Variants in GRID2 observed in about 807,000 individuals in gnomAD.
GRID2 encodes the protein glutamate ionotropic receptor delta type subunit 2.
Under a neutral mutation model 114.8 loss-of-function variants are expected in GRID2, and 33 were observed. That is an observed-to-expected ratio of 0.29 (90% CI 0.22 to 0.38). The LOEUF is 0.38. Ranked by LOEUF, GRID2 falls within the 10% of genes least tolerant of loss-of-function variation. The pLI, the probability that GRID2 is intolerant of heterozygous loss-of-function variation, is 1.00. For missense variants in GRID2, 1,184 were observed against 1,257.7 expected (o/e 0.94, Z 0.89); for synonymous variants, 505 against 449.9 (o/e 1.12, Z -1.55).
intron 1 of GRID2, among the ~76,000 whole-genome samples, chr4:92,475,184 T>C (rs1346396924): frequency 6.7e-6 from 1 of 149,692 alleles, no homozygotes; most frequent in African/African-American, 2.5e-5. Context: ...TTAATCCCAT[T>C]TGCCTTTTAA....
chr4:93,230,141 T>A (rs1466675946), intron 7 of GRID2, among the ~76,000 whole-genome samples: 1 of 115,714 alleles, frequency 8.6e-6, no homozygotes, highest in Non-Finnish European at 1.9e-5. Flanking sequence ...AGGATGTGTG[T>A]GTATGCGTGT....
chr4:92,612,085 T>C (rs1177585251), intron 2 of GRID2, among the ~76,000 whole-genome samples: 1 of 151,504 alleles, frequency 6.6e-6, no homozygotes. Flanking sequence ...TTTTCATGTC[T>C]TCTAGAAAAT....
intron 4 of GRID2, among the ~76,000 whole-genome samples, chr4:93,187,278 T>C (rs1740516044): frequency 6.6e-6 from 1 of 152,166 alleles, no homozygotes; most frequent in African/African-American, 2.4e-5. Context: ...AAAGTCTTTT[T>C]TTTTCTTTTC....
chr4:92,993,802 G>A (rs1457193753), intron 2 of GRID2, among the ~76,000 whole-genome samples: 1 of 152,070 alleles, frequency 6.6e-6, no homozygotes, highest in African/African-American at 2.4e-5. Context: ...TTTGTTGGAG[G>A]GTCCTAGATA....
intron 8 of GRID2, among the ~76,000 whole-genome samples, chr4:93,279,123 A>C (rs1019201098): frequency 6.6e-5 from 10 of 151,870 alleles, no homozygotes; most frequent in African/African-American, 2.4e-4. Flanking sequence ...CACTTTAGTT[A>C]CATAAATAAC....
At chr4:92,389,911 G>T (rs968791847) in intron 1 of GRID2, among the ~76,000 whole-genome samples, 1 of 152,002 alleles carries the variant, frequency 6.6e-6, no homozygotes, top group Non-Finnish European at 1.5e-5. Context: ...AAAATTGCAG[G>T]TGCTATGAAA....
chr4:93,458,738 G>A (rs764362039), intron 11 of GRID2, among the ~76,000 whole-genome samples: 9 of 152,044 alleles, frequency 5.9e-5, no homozygotes, highest in Admixed American at 1.3e-4. Context: ...TAGACTCAGC[G>A]GCAGATAATT....
intron 2 of GRID2, among the ~76,000 whole-genome samples, chr4:92,995,521 A>G (rs1404581506): frequency 6.6e-6 from 1 of 152,208 alleles, no homozygotes; most frequent in Non-Finnish European, 1.5e-5. Flanking sequence ...ATATCTTGAA[A>G]AGCTAAAGAG....
At chr4:92,354,068 G>A (rs1251961461) in intron 1 of GRID2, among the ~76,000 whole-genome samples, 1 of 151,882 alleles carries the variant, frequency 6.6e-6, no homozygotes, top group South Asian at 2.1e-4. Flanking sequence ...TGGCTCTTCA[G>A]GTAGCTCCCA....
At position 92,888,152 on chromosome 4, in the gene GRID2, C is replaced by T. The variant is rs569546971; in HGVS notation, c.245-196843C>T. ...AAGTTTATGAAAAGAATTGTTATTT[C>T]ATCTTTCTCAACTTTCTGGTACTCA... On this transcript the variant is annotated intron_variant, in intron 2 of 15. Coordinates refer to ENST00000282020, the MANE Select transcript of GRID2 (RefSeq NM_001510.4). Among the ~76,000 whole-genome samples, 4 of 152,214 alleles carry T rather than the reference C, an allele frequency of 2.6e-5. No individual in the cohort carries two copies. The East Asian group carries it at 7.7e-4, about 29-fold the overall frequency.
intron 12 of GRID2, among the ~76,000 whole-genome samples, chr4:93,497,409 TTTTGG>T (rs1727653942): frequency 6.6e-6 from 1 of 151,838 alleles, no homozygotes; most frequent in South Asian, 2.1e-4. Context: ...TGGATTGTGC[TTTTGG>T]TTTCATGTCT....
intron 2 of GRID2, among the ~76,000 whole-genome samples, chr4:92,600,044 GTATATATATATATATATATATATA>G (rs70942915): frequency 2.1e-3 from 113 of 54,436 alleles, no homozygotes; most frequent in Admixed American, 3.9e-3. Context: ...GTGTGTGTGT[GTATATATATATATATATATATATA>G]TATATATATA....
At chr4:92,385,837 AT>A (rs1400643804) in intron 1 of GRID2, among the ~76,000 whole-genome samples, 7 of 149,986 alleles carry the variant, frequency 4.7e-5, no homozygotes, top group Non-Finnish European at 1.0e-4. Context: ...TATAGAAAAA[AT>A]ATTTAACTTT....
intron 13 of GRID2, among the ~76,000 whole-genome samples, chr4:93,518,874 G>T (rs1730062619): frequency 6.6e-6 from 1 of 152,038 alleles, no homozygotes; most frequent in South Asian, 2.1e-4. Flanking sequence ...GAATATGAAG[G>T]GGGCCAGTAT....
chr4:93,470,142 C>T lies in GRID2; in HGVS notation c.1858+14168C>T, dbSNP rs556737857. On this transcript the variant is annotated intron_variant, in intron 11 of 15. Coordinates refer to ENST00000282020, the MANE Select transcript of GRID2 (RefSeq NM_001510.4). ...AAAAGGATAAGCATATAAAAGCCTA[C>T]TTTAGTAACACAAACACATTTTTTA... is the stretch of plus-strand genomic sequence containing the variant. Among the ~76,000 whole-genome samples, 5 of 152,148 alleles carry T rather than the reference C, an allele frequency of 3.3e-5. No homozygotes were observed. In the South Asian group the frequency reaches 1.0e-3, roughly 32 times the overall value.
intron 1 of GRID2, among the ~76,000 whole-genome samples, chr4:92,470,052 G>T (rs1430477888): frequency 6.6e-6 from 1 of 151,846 alleles, no homozygotes; most frequent in Non-Finnish European, 1.5e-5. Flanking sequence ...AAGGATGGAT[G>T]TCTCATAAGT....
At chr4:93,532,110 G>A (rs142154017) in intron 13 of GRID2, among the ~76,000 whole-genome samples, 26 of 152,234 alleles carry the variant, frequency 1.7e-4, no homozygotes, top group African/African-American at 4.8e-4. Flanking sequence ...TTGCCTAAAC[G>A]TTGCACATAA....
At chr4:93,809,692 G>A (rs998929270) in exon 2 of GRID2, 10 of 152,184 alleles carry the variant, frequency 6.6e-5, no homozygotes, top group Non-Finnish European at 1.3e-4. Context: ...CAAATGGAAT[G>A]GAAAATAATT....
chr4:92,892,473 A>T (rs1259753562), intron 2 of GRID2, among the ~76,000 whole-genome samples: 2 of 152,160 alleles, frequency 1.3e-5, no homozygotes, highest in East Asian at 3.9e-4. Flanking sequence ...TTGTTCTGAG[A>T]GATATATTTT....
Sources: gnomAD v4.1 joint callset for allele counts (sites outside exome capture counted in the v4.1 genomes callset) on GRCh38, gnomAD v4.1.1 for gene constraint, MANE v1.5 for transcripts, NCBI Gene and HGNC (gene_info 2026-07-23, HGNC 2026-07-21) for gene names.